PCDH9: variants seen among roughly 807,000 people sequenced by gnomAD.
PCDH9 encodes the protein protocadherin-9.
PCDH9 carries 24 observed loss-of-function variants against 70.6 expected under a neutral mutation model. That is an observed-to-expected ratio of 0.34 (90% CI 0.25 to 0.48). PCDH9 has a LOEUF of 0.48. PCDH9 is among the 20% of genes least tolerant of loss of function. The pLI, the probability that PCDH9 is intolerant of heterozygous loss-of-function variation, is 0.99. For synonymous variants in PCDH9, 562 were observed against 558.5 expected (o/e 1.01, Z -0.09); for missense variants, 1,281 against 1,503.6 (o/e 0.85, Z 2.45).
At chr13:66,679,861 A>G (rs2078294903) in intron 3 of PCDH9, among the ~76,000 whole-genome samples, 1 of 151,944 alleles carries the variant, frequency 6.6e-6, no homozygotes, top group Admixed American at 6.6e-5. Flanking sequence ...TCCTGAATAC[A>G]TCTAATTAGA....
chr13:66,673,596 C>G (rs1420179205), intron 3 of PCDH9, among the ~76,000 whole-genome samples: 1 of 152,138 alleles, frequency 6.6e-6, no homozygotes, highest in Non-Finnish European at 1.5e-5. Flanking sequence ...GGAACAGATT[C>G]TACTTCAAAG....
intron 3 of PCDH9, among the ~76,000 whole-genome samples, chr13:66,809,835 T>C (rs2080472647): frequency 1.3e-5 from 2 of 152,174 alleles, no homozygotes; most frequent in African/African-American, 4.8e-5. Context: ...AAAACACATT[T>C]AACAAAGTGA....
At chr13:66,975,670 T>C (rs1219660200) in intron 2 of PCDH9, among the ~76,000 whole-genome samples, 2 of 151,968 alleles carry the variant, frequency 1.3e-5, no homozygotes, top group Non-Finnish European at 2.9e-5. Context: ...TACTGTATCA[T>C]TAATGCTCTC....
chr13:67,060,065 G>C (rs1233154310), intron 2 of PCDH9, among the ~76,000 whole-genome samples: 1 of 151,980 alleles, frequency 6.6e-6, no homozygotes, highest in Non-Finnish European at 1.5e-5. Flanking sequence ...TGCTATCGCT[G>C]TCTGTGTGAC....
chr13:66,935,354 C>T (rs558987485), intron 2 of PCDH9, among the ~76,000 whole-genome samples: 37 of 152,162 alleles, frequency 2.4e-4, no homozygotes, highest in African/African-American at 6.5e-4. Flanking sequence ...CCATTCCTGG[C>T]CTTATTCAGT....
intron 3 of PCDH9, among the ~76,000 whole-genome samples, chr13:66,753,027 G>T (rs1248578323): frequency 1.3e-5 from 2 of 152,062 alleles, no homozygotes; most frequent in Non-Finnish European, 2.9e-5. Flanking sequence ...GACAAATTTT[G>T]GAGTCTTCTA....
At chr13:66,572,580 T>C (rs2076747716) in intron 4 of PCDH9, among the ~76,000 whole-genome samples, 1 of 152,114 alleles carries the variant, frequency 6.6e-6, no homozygotes, top group Non-Finnish European at 1.5e-5. Context: ...CCATTGTGTA[T>C]ATTTGCCACA....
intron 4 of PCDH9, among the ~76,000 whole-genome samples, chr13:66,566,217 A>G (rs1001011368): frequency 2.3e-4 from 35 of 152,148 alleles, no homozygotes; most frequent in African/African-American, 8.4e-4. Context: ...ATATTGGAAA[A>G]TACTTTGTAG....
At chr13:67,049,232 T>G (rs894226840) in intron 2 of PCDH9, among the ~76,000 whole-genome samples, 1 of 152,240 alleles carries the variant, frequency 6.6e-6, no homozygotes, top group Admixed American at 6.5e-5. Context: ...AATGAGTTCA[T>G]GGGCCCAGTA....
intron 4 of PCDH9, among the ~76,000 whole-genome samples, chr13:66,434,152 A>T (rs1456861044): frequency 6.6e-6 from 1 of 151,716 alleles, no homozygotes; most frequent in African/African-American, 2.4e-5. Flanking sequence ...AAATTTGAGA[A>T]CTCTTATCAA....
chr13:66,790,944 T>A (rs1402320938), intron 3 of PCDH9, among the ~76,000 whole-genome samples: 3 of 152,126 alleles, frequency 2.0e-5, no homozygotes, highest in Non-Finnish European at 4.4e-5. Context: ...AAATAATCAA[T>A]CAAGCATAAC....
At chr13:67,010,680 T>C (rs1339521424) in intron 2 of PCDH9, among the ~76,000 whole-genome samples, 1 of 152,000 alleles carries the variant, frequency 6.6e-6, no homozygotes, top group Non-Finnish European at 1.5e-5. Context: ...TTCATGACAA[T>C]TCTGGACTCC....
intron 3 of PCDH9, among the ~76,000 whole-genome samples, chr13:66,647,619 T>G (rs1295828339): frequency 1.3e-5 from 2 of 151,998 alleles, no homozygotes; most frequent in East Asian, 3.9e-4. Flanking sequence ...ACCGAGAACA[T>G]TCCCAGCTGT....
At chr13:67,056,982 A>G (rs1040970900) in intron 2 of PCDH9, among the ~76,000 whole-genome samples, 1 of 152,180 alleles carries the variant, frequency 6.6e-6, no homozygotes, top group Non-Finnish European at 1.5e-5. Context: ...TATTACTACC[A>G]TATCTGTCAG....
chr13:67,156,424 T>A (rs551963426), intron 2 of PCDH9, among the ~76,000 whole-genome samples: 42 of 151,474 alleles, frequency 2.8e-4, no homozygotes, highest in African/African-American at 9.9e-4. Context: ...GAGGGGAGCA[T>A]GGCAGCTGAA....
chr13:66,305,871 A>G (rs899162358), intron 4 of PCDH9, among the ~76,000 whole-genome samples: 1 of 152,106 alleles, frequency 6.6e-6, no homozygotes, highest in Non-Finnish European at 1.5e-5. Context: ...CCAGCAGGCA[A>G]TCTAGAACAT....
At chr13:66,764,751 A>G (rs574672705) in intron 3 of PCDH9, among the ~76,000 whole-genome samples, 1 of 152,166 alleles carries the variant, frequency 6.6e-6, no homozygotes, top group South Asian at 2.1e-4. Context: ...AGGCCAAAAC[A>G]TGCTTCTACA....
chr13:66,474,554 C>G (rs1244110620), intron 4 of PCDH9, among the ~76,000 whole-genome samples: 1 of 152,000 alleles, frequency 6.6e-6, no homozygotes, highest in Non-Finnish European at 1.5e-5. Flanking sequence ...AACTAAAAAT[C>G]ATTTAAACTA....
At position 66,769,919 on chromosome 13, in the gene PCDH9, G is replaced by T. The variant is rs556053048; in HGVS notation, c.3138+133585C>A. Among the ~76,000 whole-genome samples, 24 of 152,090 alleles carry T rather than the reference G, an allele frequency of 1.6e-4. 1 individual carries two copies. Among genetic ancestry groups the T allele is most frequent in the Non-Finnish European group, 2.8e-4 (19 of 68,024 alleles). On this transcript the variant is annotated intron_variant, in intron 3 of 4. Coordinates refer to ENST00000377865, the MANE Select transcript of PCDH9 (RefSeq NM_203487.3). ...GTAGGGGCTCAGCAGGGGCAAGGCA[G>T]GAGGGGATAATTTCTTTTTGAAAAT...
Sources: allele counts gnomAD v4.1 joint callset (sites outside exome capture counted in the v4.1 genomes callset), GRCh38; gene constraint gnomAD v4.1.1; transcripts MANE v1.5; gene names NCBI Gene and HGNC (gene_info 2026-07-23, HGNC 2026-07-21).